ASPRV1: variants seen among roughly 807,000 people sequenced by gnomAD.
The protein encoded by ASPRV1 is aspartic peptidase retroviral like 1.
In ASPRV1, 7 loss-of-function variants were observed where a neutral mutation model predicts 11.0. The observed-to-expected ratio is 0.64, with a 90% CI of 0.36 to 1.20. The LOEUF (loss-of-function observed/expected upper bound fraction) is 1.20. Ranked by LOEUF, ASPRV1 falls within the 50% of genes most tolerant of loss-of-function variation. ASPRV1 has a pLI of 0.02. For synonymous variants in ASPRV1, 136 were observed against 138.4 expected, an observed-to-expected ratio of 0.98 and a Z score of 0.12; for missense variants, 299 against 320.0, an observed-to-expected ratio of 0.93 and a Z score of 0.50.
At chr2:70,074,799 A>G in the ASPRV1 span, among the ~76,000 whole-genome samples, 1 of 151,344 alleles carries the variant, frequency 6.6e-6, no homozygotes, top group Non-Finnish European at 1.5e-5. Flanking sequence ...AAAGACTACA[A>G]GCAGTAGAGT....
the ASPRV1 span, among the ~76,000 whole-genome samples, chr2:70,023,753 T>C: frequency 6.6e-6 from 1 of 152,216 alleles, no homozygotes; most frequent in Non-Finnish European, 1.5e-5. Context: ...GATTTCTTTT[T>C]TAAAAGTCCT....
the ASPRV1 span, among the ~76,000 whole-genome samples, chr2:70,072,551 G>C: frequency 6.6e-6 from 1 of 151,074 alleles, no homozygotes; most frequent in Non-Finnish European, 1.5e-5. Context: ...GATGAAACCT[G>C]TCTCTACTAA....
Position 69,960,130 on chromosome 2 carries a change from A to C in ASPRV1, c.*527T>G, listed in dbSNP as rs912347263. On this transcript the variant is annotated 3_prime_UTR_variant, in exon 1 of 1. Transcript: ENST00000320256. Reference sequence around the variant, plus strand: ...TCTTTATTGGTGTTTGCAGCAATTGAATTATTGGCATAAGGCACAATGGGC... The same window carrying C: ...TCTTTATTGGTGTTTGCAGCAATTGCATTATTGGCATAAGGCACAATGGGC... The C allele has an allele frequency of 5.8e-5, 9 of 153,930 alleles. No individual in the cohort carries two copies. The highest frequency in any genetic ancestry group is 2.2e-4 in the African/African-American group (9 of 41,472). The allele number at this position is 153,930 out of a possible 1,614,324, so 9.5% of individuals were successfully genotyped here.
chr2:69,994,777 C>G, the ASPRV1 span, among the ~76,000 whole-genome samples: 1 of 151,782 alleles, frequency 6.6e-6, no homozygotes, highest in East Asian at 1.9e-4. Flanking sequence ...GAGGGCGGAT[C>G]ATGAGGTCAG....
chr2:70,040,765 CAGAG>C, the ASPRV1 span, among the ~76,000 whole-genome samples: 129 of 149,500 alleles, frequency 8.6e-4, no homozygotes, highest in African/African-American at 3.1e-3. Context: ...ACCCGGGAGG[CAGAG>C]GTTTCAGTGA....
the ASPRV1 span, chr2:69,970,991 AC>A: frequency 6.6e-6 from 1 of 152,182 alleles, no homozygotes; most frequent in Non-Finnish European, 1.5e-5. Context: ...ACATGGTGAA[AC>A]CCTGTCTCTA....
At chr2:69,948,995 A>AG in the ASPRV1 span, among the ~76,000 whole-genome samples, 6 of 151,960 alleles carry the variant, frequency 3.9e-5, no homozygotes, top group African/African-American at 7.3e-5. Context: ...CTCAGGTCTC[A>AG]GTGCAAACGT....
At chr2:69,995,838 G>A in the ASPRV1 span, among the ~76,000 whole-genome samples, 2 of 152,284 alleles carry the variant, frequency 1.3e-5, no homozygotes, top group African/African-American at 4.8e-5. Flanking sequence ...CAGCGTTAGG[G>A]GGAGAAAGAA....
the ASPRV1 span, among the ~76,000 whole-genome samples, chr2:69,979,105 G>A: frequency 6.6e-6 from 1 of 151,982 alleles, no homozygotes; most frequent in Admixed American, 6.6e-5. Context: ...TGTGATCTCG[G>A]CTCACCGCAA....
the ASPRV1 span, among the ~76,000 whole-genome samples, chr2:70,047,003 A>C: frequency 6.6e-6 from 1 of 152,196 alleles, no homozygotes; most frequent in Non-Finnish European, 1.5e-5. Flanking sequence ...CTATTGCTTA[A>C]GACTATTAAA....
rs1678096081 is a variant in ASPRV1 at position 69,961,383 on chromosome 2, G to A, written c.54C>T (p.Val18=). The change falls in exon 1 of 1, where the codon GTC becomes GTT. Residue 18 remains valine (V), a synonymous_variant. Transcript: ENST00000320256. ...SEEGRRQHAF[V]PEPFDGANVV... ...CATTGGCCCCATCAAAAGGTTCCGG[G>A]ACGAAGGCATGCTGCCGGCGGCCTT... 3 of 1,614,048 alleles carry A rather than the reference G, an allele frequency of 1.9e-6. No homozygotes were observed. The highest frequency in any genetic ancestry group is 1.6e-4 in the Middle Eastern group (1 of 6,084).
chr2:70,074,226 T>C, the ASPRV1 span, among the ~76,000 whole-genome samples: 10 of 150,762 alleles, frequency 6.6e-5, no homozygotes, highest in South Asian at 6.3e-4. Context: ...GGTGTTACTC[T>C]TACTTCCTAT....
chr2:70,087,008 C>G, the ASPRV1 span: 2 of 151,230 alleles, frequency 1.3e-5, no homozygotes, highest in Middle Eastern at 3.4e-3. Flanking sequence ...CGCCGCCCCT[C>G]CCCCCCGGAA....
At chr2:70,086,445 C>G in the ASPRV1 span, 1 of 152,290 alleles carries the variant, frequency 6.6e-6, no homozygotes, top group Non-Finnish European at 1.5e-5. Flanking sequence ...AGGCCAGCGT[C>G]TTGAGCGACA....
chr2:70,069,404 G>C, the ASPRV1 span: 2 of 152,142 alleles, frequency 1.3e-5, no homozygotes, highest in Non-Finnish European at 2.9e-5. Flanking sequence ...GATAAGACAT[G>C]GTTTATGATG....
the ASPRV1 span, among the ~76,000 whole-genome samples, chr2:69,933,225 CAAAAA>C: frequency 6.6e-3 from 734 of 111,280 alleles, 1 homozygote; most frequent in Non-Finnish European, 0.011. Context: ...AAAAAAAAAA[CAAAAA>C]AAGAAAATTA....
At chr2:69,937,450 G>GGGAA in the ASPRV1 span, 40 of 1,522,306 alleles carry the variant, frequency 2.6e-5, no homozygotes, top group Non-Finnish European at 3.4e-5. Context: ...CCCCAGAGCA[G>GGGAA]GGGTTCAGTA....
At chr2:70,060,361 C>T in the ASPRV1 span, among the ~76,000 whole-genome samples, 4 of 129,310 alleles carry the variant, frequency 3.1e-5, no homozygotes, top group East Asian at 1.0e-3. Flanking sequence ...AAAAAAAAAG[C>T]CTATTAAAGA....
the ASPRV1 span, among the ~76,000 whole-genome samples, chr2:70,039,906 C>T: frequency 2.0e-5 from 3 of 152,208 alleles, no homozygotes; most frequent in Non-Finnish European, 4.4e-5. Context: ...AACAGTAATG[C>T]AAAAGCATGT....
Sources: allele counts gnomAD v4.1 joint callset (sites outside exome capture counted in the v4.1 genomes callset), GRCh38; gene constraint gnomAD v4.1.1; transcripts MANE v1.5; gene names NCBI Gene and HGNC (gene_info 2026-07-23, HGNC 2026-07-21).